Variants in SDK1 observed in about 807,000 individuals in gnomAD.
SDK1 encodes sidekick cell adhesion molecule 1.
Under a neutral mutation model 245.5 loss-of-function variants are expected in SDK1, and 157 were observed. The ratio of observed to expected loss-of-function variants is 0.64; its 90% CI spans 0.56 to 0.73. SDK1 has a LOEUF of 0.73. SDK1 is among the 30% of genes least tolerant of loss of function. The pLI is 0.00. For synonymous variants in SDK1, 1,647 were observed against 1,278.5 expected (o/e 1.29, Z -6.15); for missense variants, 3,583 against 3,002.3 (o/e 1.19, Z -4.52).
intron 1 of SDK1, among the ~76,000 whole-genome samples, chr7:3,362,176 C>T (rs1429298234): frequency 6.6e-6 from 1 of 152,140 alleles, no homozygotes; most frequent in Admixed American, 6.5e-5. Flanking sequence ...ATGAAATTAA[C>T]CCTGGGAGAA....
chr7:3,854,540 C>T (rs1443245686), intron 5 of SDK1, among the ~76,000 whole-genome samples: 6 of 152,004 alleles, frequency 3.9e-5, no homozygotes, highest in Admixed American at 1.3e-4. Flanking sequence ...AACCATATTC[C>T]GTAATGCCAA....
intron 4 of SDK1, among the ~76,000 whole-genome samples, chr7:3,734,142 C>G (rs772947168): frequency 1.3e-5 from 2 of 152,130 alleles, no homozygotes; most frequent in African/African-American, 4.8e-5. Context: ...TAATTGGAAT[C>G]AAGGAGCTAT....
chr7:4,126,201 G>T (rs1562847822), intron 25 of SDK1, among the ~76,000 whole-genome samples: 1 of 152,206 alleles, frequency 6.6e-6, no homozygotes. Flanking sequence ...CTGACTGCTA[G>T]GGGCTAGCTC....
chr7:3,630,513 A>T (rs1473455582), intron 2 of SDK1, among the ~76,000 whole-genome samples: 1 of 152,200 alleles, frequency 6.6e-6, no homozygotes, highest in African/African-American at 2.4e-5. Flanking sequence ...GTGCATGCCT[A>T]TAATCCCAGT....
intron 4 of SDK1, among the ~76,000 whole-genome samples, chr7:3,773,262 A>G (rs1256465576): frequency 6.6e-6 from 1 of 151,584 alleles, no homozygotes; most frequent in African/African-American, 2.4e-5. Flanking sequence ...TCCTGAGAAT[A>G]TTTTCCTTTG....
chr7:3,399,287 G>C (rs1243692628), intron 1 of SDK1, among the ~76,000 whole-genome samples: 2 of 151,844 alleles, frequency 1.3e-5, no homozygotes, highest in East Asian at 3.9e-4. Context: ...TTCAATTCCA[G>C]AGTTTTAATT....
intron 29 of SDK1, among the ~76,000 whole-genome samples, chr7:4,147,059 C>T (rs1780032964): frequency 6.6e-6 from 1 of 152,238 alleles, no homozygotes; most frequent in South Asian, 2.1e-4. Flanking sequence ...GCAGCCCCAG[C>T]TCCCACTCCA....
intron 35 of SDK1, among the ~76,000 whole-genome samples, chr7:4,204,785 C>G (rs1026134309): frequency 3.3e-5 from 5 of 152,146 alleles, no homozygotes; most frequent in Non-Finnish European, 5.9e-5. Context: ...TCCCCAGGGC[C>G]CAGCTCATGG....
intron 1 of SDK1, among the ~76,000 whole-genome samples, chr7:3,492,801 T>C (rs1781904337): frequency 6.6e-6 from 1 of 152,234 alleles, no homozygotes; most frequent in Non-Finnish European, 1.5e-5. Flanking sequence ...CTGTTTAGCT[T>C]GCTCTTGATT....
At chr7:3,991,502 C>G (rs1356897626) in intron 14 of SDK1, among the ~76,000 whole-genome samples, 2 of 152,112 alleles carry the variant, frequency 1.3e-5, no homozygotes, top group African/African-American at 4.8e-5. Context: ...CAGGTGGGGT[C>G]CCTGTGTTGG....
chr7:3,322,491 C>T (rs561289615), intron 1 of SDK1, among the ~76,000 whole-genome samples: 13 of 152,182 alleles, frequency 8.5e-5, no homozygotes, highest in African/African-American at 3.1e-4. Flanking sequence ...TGGTATATGC[C>T]TAGAAGTTGC....
At chr7:3,779,152 A>G (rs940708368) in intron 4 of SDK1, among the ~76,000 whole-genome samples, 2 of 152,238 alleles carry the variant, frequency 1.3e-5, no homozygotes, top group East Asian at 3.8e-4. Context: ...ATGTGAAAAA[A>G]TAAACACACT....
At chr7:3,504,187 T>TGTGTGTGTGTGTGTGTGC (rs1782313749) in intron 1 of SDK1, among the ~76,000 whole-genome samples, 1 of 149,356 alleles carries the variant, frequency 6.7e-6, no homozygotes, top group Admixed American at 6.7e-5. Context: ...TATATATGTG[T>TGTGTGTGTGTGTGTGTGC]GTGTGTGTGT....
intron 5 of SDK1, among the ~76,000 whole-genome samples, chr7:3,914,221 T>G (rs1779288555): frequency 6.6e-6 from 1 of 152,238 alleles, no homozygotes; most frequent in South Asian, 2.1e-4. Context: ...GCAATATGCT[T>G]GTCTGCATTA....
At chr7:3,451,878 G>A (rs1780526302) in intron 1 of SDK1, among the ~76,000 whole-genome samples, 1 of 152,174 alleles carries the variant, frequency 6.6e-6, no homozygotes, top group African/African-American at 2.4e-5. Flanking sequence ...TGCAGGTGGT[G>A]TTGGGCAATT....
intron 1 of SDK1, among the ~76,000 whole-genome samples, chr7:3,350,977 G>A (rs58713621): frequency 0.17 from 26,410 of 152,152 alleles, 2,328 homozygotes; most frequent in South Asian, 0.23. Flanking sequence ...ACATCTGGTT[G>A]CCCCAAGAAT....
chr7:3,864,362 G>A (rs545237617), intron 5 of SDK1, among the ~76,000 whole-genome samples: 6 of 152,270 alleles, frequency 3.9e-5, no homozygotes, highest in African/African-American at 7.2e-5. Flanking sequence ...CTTTGGGAGG[G>A]AAAGAAGGTC....
chr7:3,600,005 T>C (rs939012850), intron 1 of SDK1, among the ~76,000 whole-genome samples: 1 of 152,236 alleles, frequency 6.6e-6, no homozygotes, highest in African/African-American at 2.4e-5. Context: ...TACACCTGTG[T>C]GTCTGGTTGC....
chr7:3,420,065 G>A (rs888815415), intron 1 of SDK1, among the ~76,000 whole-genome samples: 5 of 152,208 alleles, frequency 3.3e-5, no homozygotes, highest in Non-Finnish European at 7.3e-5. Context: ...CTCCTTGTCA[G>A]TGGCAAACTG....
Sources: allele counts gnomAD v4.1 joint callset (sites outside exome capture counted in the v4.1 genomes callset), GRCh38; gene constraint gnomAD v4.1.1; transcripts MANE v1.5; gene names NCBI Gene and HGNC (gene_info 2026-07-23, HGNC 2026-07-21).